CRYBG2: variants seen among roughly 807,000 people sequenced by gnomAD.
CRYBG2 encodes the protein beta/gamma crystallin domain-containing protein 2.
Under a neutral mutation model 153.4 loss-of-function variants are expected in CRYBG2, and 106 were observed. The observed-to-expected ratio is 0.69, with a 90% confidence interval of 0.59 to 0.81. The LOEUF (loss-of-function observed/expected upper bound fraction) is 0.81, where lower values mean the gene tolerates loss of function less well. Ranked by LOEUF, CRYBG2 falls within the 30% of genes least tolerant of loss-of-function variation. The probability of loss-of-function intolerance (pLI) is 0.00; values close to 1 mark genes in which losing one functional copy is unlikely to be tolerated. For synonymous variants in CRYBG2, 851 were observed against 877.8 expected (o/e 0.97, Z 0.54); for missense variants, 1,996 against 2,112.0 (o/e 0.95, Z 1.08).
intron 8 of CRYBG2, 120 bp downstream of exon 8, chr1:26,337,892 C>G (rs547462005): frequency 5.7e-6 from 8 of 1,400,466 alleles, no homozygotes; most frequent in South Asian, 1.3e-5. Flanking sequence ...CCCATCCCCC[C>G]AGACCGTGCT....
intron 1 of CRYBG2, among the ~76,000 whole-genome samples, chr1:26,348,999 T>C (rs372587360): frequency 3.3e-5 from 5 of 151,884 alleles, no homozygotes; most frequent in African/African-American, 1.2e-4. Flanking sequence ...TGAAACCTAG[T>C]CTCTACTAAA....
chr1:26,350,792 G>C (rs2074277804), intron 1 of CRYBG2, among the ~76,000 whole-genome samples: 1 of 151,978 alleles, frequency 6.6e-6, no homozygotes, highest in South Asian at 2.1e-4. Flanking sequence ...AGCCTGTTCA[G>C]CCCGAGTCTT....
At position 26,346,425 on chromosome 1, in the gene CRYBG2, C is replaced by A. The variant is rs1351973504; in HGVS notation, c.233G>T (p.Cys78Phe). ...FATQEEETVNCQGPRDTAGSK... is the reference protein window; with the variant it reads ...FATQEEETVNFQGPRDTAGSK... ...GCCAGCTGTATCCCGAGGGCCCTGG[C>A]AATTCACAGTCTCTTCTTCCTGTGT... Residue 78 changes from cysteine to phenylalanine, a missense_variant, in exon 2 of 20, where the codon TGC becomes TTC. By Grantham distance (205) the Cys-to-Phe change is radical (BLOSUM62 -2). Transcript: ENST00000308182. This position sits in a 1 kb window ranked among gnomAD's most constrained non-coding sequence, Gnocchi z 4.9. 2 of 1,601,478 alleles carry A rather than the reference C, an allele frequency of 1.2e-6. No homozygotes were observed. Among genetic ancestry groups the A allele is most frequent in the Admixed American group, 1.7e-5 (1 of 59,956 alleles).
chr1:26,348,403 A>C (rs1320117574), intron 1 of CRYBG2, among the ~76,000 whole-genome samples: 1 of 152,144 alleles, frequency 6.6e-6, no homozygotes, highest in East Asian at 1.9e-4. Context: ...TCTACAAAAA[A>C]TTAAAAGAAT....
In CRYBG2 at chr1:26,345,757, G is replaced by A. The variant is rs1455313458; in HGVS notation, c.901C>T (p.His301Tyr). 3 of 1,597,502 alleles carry A rather than the reference G, an allele frequency of 1.9e-6. No individual in the cohort carries two copies. The highest frequency in any genetic ancestry group is 2.5e-6 in the Non-Finnish European group (3 of 1,179,274). ...LASTGIPASA[H>Y]LPKNQDAPAA... ...GGGGCATCCTGATTCTTAGGCAGGT[G>A]AGCACTGGCTGGGATGCCTGTAGAG... Residue 301 changes from histidine (H) to tyrosine (Y), a missense_variant, in exon 2 of 20, where the codon CAC (histidine) becomes TAC (tyrosine). Coordinates refer to ENST00000308182, the MANE Select transcript of CRYBG2 (RefSeq NM_001039775.4).
chr1:26,337,052 G>A lies in CRYBG2; in HGVS notation c.3772-72C>T, dbSNP rs373472274. 156 of 1,588,290 alleles carry A rather than the reference G, an allele frequency of 9.8e-5. No homozygotes were observed. The African/African-American group carries it at 1.9e-3, about 19-fold the overall frequency. ...CCCCTGGGAGTGCCCAGACCCCAGG[G>A]TCACAGCCCACCCGGGGAATTAGGG... On this transcript the variant is annotated intron_variant, in intron 10 of 19. Coordinates refer to ENST00000308182, the MANE Select transcript of CRYBG2 (RefSeq NM_001039775.4).
At chr1:26,326,040 C>T (rs1469453153) in intron 17 of CRYBG2, among the ~76,000 whole-genome samples, 1 of 151,956 alleles carries the variant, frequency 6.6e-6, no homozygotes, top group Admixed American at 6.6e-5. Flanking sequence ...TAGCACAAGC[C>T]ATCACACCTA....
At position 26,346,391 on chromosome 1, in the gene CRYBG2, G is replaced by A; in HGVS notation, c.267C>T (p.Asn89=). The A allele has an allele frequency of 6.3e-7, 1 of 1,599,752 alleles. No homozygotes were observed. The highest frequency in any genetic ancestry group is 1.1e-5 in the South Asian group (1 of 91,052). Reference sequence around the variant, plus strand: ...AAAAGATGGGTCCATGGCTCTGGAAGTTCTTGGAGCCAGCTGTATCCCGAG... The same window carrying A: ...AAAAGATGGGTCCATGGCTCTGGAAATTCTTGGAGCCAGCTGTATCCCGAG... ...QGPRDTAGSK[N]FQSHGPIFSK... is the part of the protein sequence containing the mutation. The change falls in exon 2 of 20, where the codon AAC becomes AAT. Residue 89 remains asparagine (N), a synonymous_variant. Transcript: ENST00000308182. This position sits in a 1 kb window ranked among gnomAD's most constrained non-coding sequence, Gnocchi z 4.9.
Position 26,336,674 on chromosome 1 carries a change from C to T in CRYBG2, c.3970G>A (p.Val1324Met), listed in dbSNP as rs370019205. Residue 1324 changes from valine to methionine, a missense_variant, in exon 12 of 20, where the codon GTG becomes ATG. Physicochemically the swap from Val to Met is conservative, Grantham distance 21. Coordinates refer to ENST00000308182, the MANE Select transcript of CRYBG2 (RefSeq NM_001039775.4). This position sits in a 1 kb window ranked among gnomAD's most constrained non-coding sequence, Gnocchi z 4.9. Reference sequence around the variant, plus strand: ...CCCCAGTCCTCGCAGTTACGATACACGCCCTTCTCCAGCACGTACTGTTCC... The same window carrying T: ...CCCCAGTCCTCGCAGTTACGATACATGCCCTTCTCCAGCACGTACTGTTCC... ...SGEQYVLEKG[V>M]YRNCEDWGAG... 5.1e-6 allele frequency: 8 copies of T among 1,558,840 alleles called. No homozygotes were observed. The East Asian group carries it at 1.4e-4, about 28-fold the overall frequency.
In CRYBG2 at chr1:26,345,492, G is replaced by A; in HGVS notation, c.1166C>T (p.Pro389Leu). The change falls in exon 2 of 20, where the codon CCC (proline) becomes CTC (leucine). Residue 389 changes from proline to leucine, a missense_variant. Physicochemically the swap from Pro to Leu is moderately conservative, Grantham distance 98 (BLOSUM62 -3). Coordinates refer to ENST00000308182, the MANE Select transcript of CRYBG2 (RefSeq NM_001039775.4). ...CACGGGCCCGTCCTTTTTTTTAGGG[G>A]GCAGAACAAGGGGAGTGAGCCGGGC... ...PGARLTPLVL[P>L]PKKKDGPVDP... is the part of the protein sequence containing the mutation. 1 of 1,591,758 alleles carries A rather than the reference G, an allele frequency of 6.3e-7. No individual in the cohort carries two copies. Among genetic ancestry groups the A allele is most frequent in the Non-Finnish European group, 8.6e-7 (1 of 1,168,206 alleles).
Position 26,336,104 on chromosome 1 carries a change from T to G in CRYBG2, c.4175A>C (p.His1392Pro), listed in dbSNP as rs1192598275. 5 of 1,475,612 alleles carry G rather than the reference T, an allele frequency of 3.4e-6. No individual in the cohort carries two copies. Among genetic ancestry groups the G allele is most frequent in the Non-Finnish European group, 3.6e-6 (4 of 1,105,628 alleles). The allele number at this position is 1,475,612 out of a possible 1,614,324, so 91.4% of individuals were successfully genotyped here. A position where few individuals can be genotyped will look rare whatever the true frequency, so the allele number is the denominator to read the frequency against. ...ASFRPQSCRV[H>P]GGSWILFDET... Reference sequence around the variant, plus strand: ...CCCTCCACGTTCTCACCTGCCGCCGTGGACCCGGCAGGACTGAGGTCGGAA... The same window carrying G: ...CCCTCCACGTTCTCACCTGCCGCCGGGGACCCGGCAGGACTGAGGTCGGAA... The change falls in exon 14 of 20, where the codon CAC (histidine) becomes CCC (proline). Residue 1392 changes from histidine (H) to proline (P), a missense_variant. His to Pro is a moderately conservative substitution (Grantham distance 77, BLOSUM62 -2). Coordinates refer to ENST00000308182, the MANE Select transcript of CRYBG2 (RefSeq NM_001039775.4). This position sits in a 1 kb window ranked among gnomAD's most constrained non-coding sequence, Gnocchi z 4.9.
intron 1 of CRYBG2, among the ~76,000 whole-genome samples, chr1:26,351,014 C>T (rs2074280571): frequency 6.6e-6 from 1 of 152,186 alleles, no homozygotes; most frequent in Non-Finnish European, 1.5e-5. Flanking sequence ...CCCCGGGAAG[C>T]CTGACCTGAC....
Position 26,336,294 on chromosome 1 carries a change from G to A in CRYBG2, c.4071+44C>T, listed in dbSNP as rs752320496. The A allele has an allele frequency of 3.1e-6, 5 of 1,611,212 alleles. No individual in the cohort carries two copies. The highest frequency in any genetic ancestry group is 1.7e-5 in the Admixed American group (1 of 59,760). On this transcript the variant is annotated intron_variant, in intron 13 of 19. Coordinates refer to ENST00000308182, the MANE Select transcript of CRYBG2 (RefSeq NM_001039775.4). The surrounding 1 kb of genome is among the most constrained non-coding windows in gnomAD (Gnocchi z 4.9). ...GGAGGGGAAAGGTCCGAAATGAGGG[G>A]AGAGACGTGAGCCCAGCGGCTCCCT...
In CRYBG2 at chr1:26,328,771, TGAAGCC is replaced by T. The variant is rs766034440; in HGVS notation, c.4411_4416del (p.Gly1471_Phe1472del). 6.2e-7 allele frequency: 1 copy of T among 1,614,066 alleles called. No homozygotes were observed. Among genetic ancestry groups the T allele is most frequent in the Non-Finnish European group, 8.5e-7 (1 of 1,179,988 alleles). ...ATCCGCACAGACAGCACATGGTTGTTGAAGCCCTCGGCTTGCAGGCTCCGCACCTCC... is the reference window on the plus strand; with the variant it reads ...ATCCGCACAGACAGCACATGGTTGTTCTCGGCTTGCAGGCTCCGCACCTCC... On this transcript the variant is annotated inframe_deletion, in exon 16 of 20. Transcript: ENST00000308182.
At chr1:26,341,266 A>G (rs548489894) in intron 5 of CRYBG2, among the ~76,000 whole-genome samples, 7 of 151,602 alleles carry the variant, frequency 4.6e-5, no homozygotes, top group Non-Finnish European at 1.0e-4. Context: ...GCGTGAACCC[A>G]GGAGGCGGAG....
At position 26,328,731 on chromosome 1, in the gene CRYBG2, C is replaced by A. The variant is rs1335463221; in HGVS notation, c.4454+3G>T. 6.2e-7 allele frequency: 1 copy of A among 1,612,344 alleles called. No homozygotes were observed. Among genetic ancestry groups the A allele is most frequent in the Non-Finnish European group, 8.5e-7 (1 of 1,179,106 alleles). On this transcript the variant is annotated splice_donor_region_variant and intron_variant, in intron 16 of 19. Coordinates refer to ENST00000308182, the MANE Select transcript of CRYBG2 (RefSeq NM_001039775.4). ...CGCACCCATGCCTCCCCTCAGCACT[C>A]ACATGCCCCCCTTGATCCGCACAGA...
intron 18 of CRYBG2, among the ~76,000 whole-genome samples, 175 bp from the exon 19 acceptor site, chr1:26,322,498 T>A (rs2073872064): frequency 6.6e-6 from 1 of 152,234 alleles, no homozygotes; most frequent in Admixed American, 6.5e-5. Flanking sequence ...CCCCAAATGC[T>A]GGCTTTTGTG....
Position 26,345,849 on chromosome 1 carries a change from A to C in CRYBG2, c.809T>G (p.Val270Gly), listed in dbSNP as rs749592617. The change falls in exon 2 of 20, where the codon GTG (valine) becomes GGG (glycine). Residue 270 changes from valine to glycine, a missense_variant. Transcript: ENST00000308182. ...GPRSTGLGSTVGAALRQLPET... is the reference protein window; with the variant it reads ...GPRSTGLGSTGGAALRQLPET... ...AGGCAGCTGCCTCAAGGCTGCCCCC[A>C]CTGTGCTGCCCAGACCTGTGCTCCT... 6.9e-6 allele frequency: 11 copies of C among 1,596,668 alleles called. No individual in the cohort carries two copies. The Admixed American group carries it at 1.8e-4, about 27-fold the overall frequency.
At position 26,337,768 on chromosome 1, in the gene CRYBG2, C is replaced by T. The variant is rs1326827760; in HGVS notation, c.3508-94G>A. 34 of 1,495,934 alleles carry T rather than the reference C, an allele frequency of 2.3e-5. 1 individual carries two copies. In the South Asian group the frequency reaches 4.1e-4, roughly 18 times the overall value. 92.7% of individuals were successfully genotyped at this position (1,495,934 alleles called of 1,614,324 possible). ...CCCAGCATCAGGCCAATGTGGCACC[C>T]CCCAGCCCTCCCACCTCCTTGCTGA... On this transcript the variant is annotated intron_variant, in intron 8 of 19. Transcript: ENST00000308182.
Sources: gnomAD v4.1 joint callset for allele counts (sites outside exome capture counted in the v4.1 genomes callset) on GRCh38, gnomAD v4.1.1 for gene constraint, Gnocchi (gnomAD v3.1) non-coding constraint, MANE v1.5 for transcripts, NCBI Gene and HGNC (gene_info 2026-07-23, HGNC 2026-07-21) for gene names.